SCN3A: variants seen among roughly 807,000 people sequenced by gnomAD.
SCN3A encodes sodium channel protein type 3 subunit alpha.
In SCN3A, 60 loss-of-function variants were observed where a neutral mutation model predicts 187.6. The observed-to-expected ratio is 0.32, with a 90% confidence interval of 0.26 to 0.40. The LOEUF (loss-of-function observed/expected upper bound fraction) is 0.40, where lower values mean the gene tolerates loss of function less well. Ranked by LOEUF, SCN3A falls within the 10% of genes least tolerant of loss-of-function variation. SCN3A has a pLI of 1.00. For synonymous variants in SCN3A, 788 were observed against 829.2 expected (o/e 0.95, Z 0.85); for missense variants, 1,601 against 2,428.2 (o/e 0.66, Z 7.16).
At chr2:165,102,645 GTGT>G (rs1373652434) in intron 21 of SCN3A, among the ~76,000 whole-genome samples, 4 of 152,212 alleles carry the variant, frequency 2.6e-5, no homozygotes, top group African/African-American at 9.6e-5. Context: ...ATGGAATTGT[GTGT>G]TGTTAGAGAA....
In SCN3A at chr2:165,176,143, A is replaced by G. The variant is rs774607955; in HGVS notation, c.252T>C (p.Tyr84=). 9.3e-6 allele frequency: 15 copies of G among 1,613,480 alleles called. No individual in the cohort carries two copies. The South Asian group carries it at 1.4e-4, about 15-fold the overall frequency. The change falls in exon 3 of 28, where the codon TAT becomes TAC. Residue 84 remains tyrosine (Y), a synonymous_variant. Transcript: ENST00000283254. ...AATCAATACTCACTTTCTTATTGATATAGTAGGGATCCAGGTCCTCCAGGG... is the reference window on the plus strand; with the variant it reads ...AATCAATACTCACTTTCTTATTGATGTAGTAGGGATCCAGGTCCTCCAGGG... ...SEPLEDLDPY[Y]INKKTFIVMN...
intron 2 of SCN3A, among the ~76,000 whole-genome samples, chr2:165,184,877 T>C (rs1432012846): frequency 1.3e-5 from 2 of 152,152 alleles, no homozygotes; most frequent in African/African-American, 4.8e-5. Context: ...AATAAATCTA[T>C]TGAGAAAGTA....
intron 9 of SCN3A, among the ~76,000 whole-genome samples, chr2:165,158,578 A>C (rs1458584435): frequency 1.5e-5 from 2 of 137,300 alleles, no homozygotes; most frequent in African/African-American, 3.0e-5. Flanking sequence ...CCTCACCATG[A>C]ACCCCTGGAA....
At chr2:165,175,359 C>T (rs1038335552) in intron 3 of SCN3A, among the ~76,000 whole-genome samples, 1 of 152,104 alleles carries the variant, frequency 6.6e-6, no homozygotes, top group Non-Finnish European at 1.5e-5. Context: ...TATAAAATAT[C>T]ACCCAGCTAG....
At chr2:165,109,507 G>A (rs2105695605) in intron 21 of SCN3A, among the ~76,000 whole-genome samples, 1 of 152,118 alleles carries the variant, frequency 6.6e-6, no homozygotes, top group Non-Finnish European at 1.5e-5. Context: ...CCCAGTTAAT[G>A]GTTCTATCCT....
intron 4 of SCN3A, among the ~76,000 whole-genome samples, chr2:165,170,229 A>G (rs1690022501): frequency 6.6e-6 from 1 of 151,904 alleles, no homozygotes; most frequent in Admixed American, 6.6e-5. Flanking sequence ...GGTTGGTTAC[A>G]TATTTTCTTC....
rs1379559106 is a variant in SCN3A at position 165,115,663 on chromosome 2, ATAG to A, written c.3394-91_3394-89del. 6.8e-6 allele frequency: 8 copies of A among 1,175,668 alleles called. No homozygotes were observed. In the Admixed American group the frequency reaches 1.0e-4, roughly 15 times the overall value. 72.8% of individuals were successfully genotyped at this position (1,175,668 alleles called of 1,614,324 possible). A position where few individuals can be genotyped will look rare whatever the true frequency, so the allele number is the denominator to read the frequency against. On this transcript the variant is annotated intron_variant, in intron 18 of 27. Transcript: ENST00000283254. ...TACTGTGTCATTGTGTGAAAAAAAA[ATAG>A]TAGTGATAGCATTTAACTCTATTAG...
intron 15 of SCN3A, 115 bp from the exon 16 acceptor site, chr2:165,131,532 A>T: frequency 1.8e-6 from 1 of 554,402 alleles, no homozygotes. Flanking sequence ...AAGTGAGAGA[A>T]TGTGACAAAT....
At chr2:165,157,757 C>A (rs548409542) in intron 9 of SCN3A, among the ~76,000 whole-genome samples, 2 of 152,276 alleles carry the variant, frequency 1.3e-5, no homozygotes, top group African/African-American at 2.4e-5. Context: ...ATTATTCAAT[C>A]ATTTCAATTA....
chr2:165,099,481 G>A (rs1000305072), intron 22 of SCN3A, among the ~76,000 whole-genome samples: 39 of 152,156 alleles, frequency 2.6e-4, no homozygotes, highest in African/African-American at 9.2e-4. Context: ...CACTTTGGGA[G>A]GCCGAGGCGG....
At chr2:165,168,359 C>T (rs563605353) in intron 5 of SCN3A, among the ~76,000 whole-genome samples, 34 of 151,938 alleles carry the variant, frequency 2.2e-4, no homozygotes, top group African/African-American at 6.5e-4. Flanking sequence ...CTATTCTATT[C>T]GAATATAACA....
chr2:165,128,205 A>G (rs1461587025), intron 17 of SCN3A, 104 bp from the exon 18 acceptor site: 7 of 900,474 alleles, frequency 7.8e-6, no homozygotes, highest in Non-Finnish European at 1.2e-5. Context: ...ATTTCAACAA[A>G]TGTTTATTGA....
At chr2:165,157,195 C>A (rs1689110709) in intron 9 of SCN3A, among the ~76,000 whole-genome samples, 1 of 152,192 alleles carries the variant, frequency 6.6e-6, no homozygotes, top group Non-Finnish European at 1.5e-5. Flanking sequence ...CAGGCGAGAG[C>A]CACCGTGCCC....
intron 3 of SCN3A, among the ~76,000 whole-genome samples, chr2:165,175,765 A>G (rs1193000777): frequency 1.3e-5 from 2 of 152,150 alleles, no homozygotes. Context: ...ATAATTAAGT[A>G]CAACATATGC....
intron 18 of SCN3A, among the ~76,000 whole-genome samples, chr2:165,124,182 T>C (rs1443505571): frequency 6.6e-6 from 1 of 152,106 alleles, no homozygotes; most frequent in Non-Finnish European, 1.5e-5. Context: ...AAGACATTTT[T>C]GTTCAGGTAA....
intron 1 of SCN3A, among the ~76,000 whole-genome samples, chr2:165,188,804 C>CAAA (rs763003775): frequency 3.2e-4 from 23 of 72,524 alleles, no homozygotes; most frequent in South Asian, 5.0e-4. Flanking sequence ...CGCCCCACTT[C>CAAA]AAAAAAAAAA....
At chr2:165,193,180 A>G (rs1238475179) in intron 1 of SCN3A, among the ~76,000 whole-genome samples, 1 of 152,126 alleles carries the variant, frequency 6.6e-6, no homozygotes, top group Non-Finnish European at 1.5e-5. Flanking sequence ...GATCAAACCC[A>G]TGAACAAATG....
chr2:165,119,350 C>T (rs1455190749), intron 18 of SCN3A, among the ~76,000 whole-genome samples: 1 of 152,168 alleles, frequency 6.6e-6, no homozygotes, highest in Middle Eastern at 3.2e-3. Context: ...CATTTACCTA[C>T]ATTTATAAAT....
chr2:165,123,914 T>C (rs1196503974), intron 18 of SCN3A, among the ~76,000 whole-genome samples: 2 of 152,134 alleles, frequency 1.3e-5, no homozygotes, highest in African/African-American at 2.4e-5. Context: ...CCTATTACTT[T>C]TTTGGTGGGT....
Sources: allele counts gnomAD v4.1 joint callset (sites outside exome capture counted in the v4.1 genomes callset), GRCh38; gene constraint gnomAD v4.1.1; transcripts MANE v1.5; gene names NCBI Gene and HGNC (gene_info 2026-07-23, HGNC 2026-07-21).